The following CAPN2 variants were observed in gnomAD, a reference collection of about 807,000 sequenced individuals.
The protein encoded by CAPN2 is calpain 2, also known as calpain-2 catalytic subunit.
Under a neutral mutation model 102.3 loss-of-function variants are expected in CAPN2, and 92 were observed. That is an observed-to-expected ratio of 0.90 (90% CI 0.76 to 1.07). CAPN2 has a LOEUF of 1.07. Ranked by LOEUF, CAPN2 falls within the 50% of genes least tolerant of loss-of-function variation. CAPN2 has a pLI of 0.00. For missense variants in CAPN2, 800 were observed against 909.4 expected (o/e 0.88, Z 1.55); for synonymous variants, 340 against 355.4 (o/e 0.96, Z 0.49).
intron 2 of CAPN2, among the ~76,000 whole-genome samples, chr1:223,733,218 C>A (rs543921379): frequency 4.0e-4 from 61 of 152,242 alleles, no homozygotes; most frequent in African/African-American, 1.4e-3. Flanking sequence ...CCTCCCCTGG[C>A]TCCCCAACTC....
Position 223,756,123 on chromosome 1 carries a change from C to G in CAPN2, c.1305+474C>G, listed in dbSNP as rs546713797. 6.6e-6 allele frequency among the ~76,000 whole-genome samples: 1 copy of G among 152,324 alleles called. No individual in the cohort carries two copies. Among genetic ancestry groups the G allele is most frequent in the South Asian group, 2.1e-4 (1 of 4,828 alleles). ...TGGTCATGATGCTCCCCCCAGGGCT[C>G]TGATGGCTGGAGCCCAGATCCCTAC... On this transcript the variant is annotated intron_variant, in intron 10 of 20. Transcript: ENST00000295006. This position sits in a 1 kb window ranked among gnomAD's most constrained non-coding sequence, Gnocchi z 4.1.
intron 6 of CAPN2, among the ~76,000 whole-genome samples, chr1:223,750,122 C>A (rs1660849884): frequency 6.6e-6 from 1 of 152,184 alleles, no homozygotes; most frequent in Non-Finnish European, 1.5e-5. Flanking sequence ...TTTTTAACTA[C>A]CCCCTCACAC....
At chr1:223,738,290 C>T (rs889511605) in intron 2 of CAPN2, among the ~76,000 whole-genome samples, 2 of 151,916 alleles carry the variant, frequency 1.3e-5, no homozygotes, top group East Asian at 1.9e-4. Context: ...TCCCAAGTTG[C>T]TGGGACGATA....
intron 2 of CAPN2, among the ~76,000 whole-genome samples, chr1:223,720,631 A>G (rs1281782976): frequency 6.6e-6 from 1 of 152,090 alleles, no homozygotes; most frequent in African/African-American, 2.4e-5. Flanking sequence ...TCATTCTTTT[A>G]TTACACACAG....
chr1:223,748,974 G>A, intron 5 of CAPN2, 65 bp from the exon 6 acceptor site: 1 of 1,445,918 alleles, frequency 6.9e-7, no homozygotes, highest in Non-Finnish European at 9.7e-7. Flanking sequence ...AGGACAGAGG[G>A]AGCGAGGGAG....
chr1:223,762,041 G>A (rs1661200089), intron 13 of CAPN2, 145 bp from the exon 14 acceptor site: 1 of 616,684 alleles, frequency 1.6e-6, no homozygotes, highest in African/African-American at 1.8e-5. Context: ...CACTATACCT[G>A]ATCTTAACCC....
At position 223,759,061 on chromosome 1, in the gene CAPN2, T is replaced by G; in HGVS notation, c.1318-209T>G. On this transcript the variant is annotated intron_variant, in intron 11 of 20. Transcript: ENST00000295006. This position sits in a 1 kb window ranked among gnomAD's most constrained non-coding sequence, Gnocchi z 4.6. Reference sequence around the variant, plus strand: ...TGCTATTTTTTTAAAAAAATTTTGTTGTTTTGTTGTTGTTGTCGTCGTTAT... The same window carrying G: ...TGCTATTTTTTTAAAAAAATTTTGTGGTTTTGTTGTTGTTGTCGTCGTTAT... The G allele has an allele frequency of 1.7e-6, 1 of 591,290 alleles. No individual in the cohort carries two copies. Among genetic ancestry groups the G allele is most frequent in the South Asian group, 2.0e-5 (1 of 49,194 alleles). The allele number at this position is 591,290 out of a possible 1,614,324, so 36.6% of individuals were successfully genotyped here. A position where few individuals can be genotyped will look rare whatever the true frequency, so the allele number is the denominator to read the frequency against.
chr1:223,724,238 A>T (rs1315319948), intron 2 of CAPN2, among the ~76,000 whole-genome samples: 1 of 152,184 alleles, frequency 6.6e-6, no homozygotes, highest in Admixed American at 6.5e-5. Context: ...CCCCAAGAAG[A>T]CCAGCCAAGG....
chr1:223,703,770 C>T (rs555963196), intron 1 of CAPN2, among the ~76,000 whole-genome samples: 132 of 152,294 alleles, frequency 8.7e-4, no homozygotes, highest in African/African-American at 2.9e-3. Context: ...GCATTTGCTT[C>T]CCAGAGGACT....
In CAPN2 at chr1:223,749,524, A is replaced by C. The variant is rs1660834309; in HGVS notation, c.813+402A>C. 1.4e-5 allele frequency: 3 copies of C among 207,104 alleles called. No individual in the cohort carries two copies. The South Asian group carries it at 3.1e-4, about 22-fold the overall frequency. The allele number at this position is 207,104 out of a possible 1,614,324, so 12.8% of individuals were successfully genotyped here. A position where few individuals can be genotyped will look rare whatever the true frequency, so the allele number is the denominator to read the frequency against. ...CCATGTTCAAATCTGACTGCCTCTT[A>C]CCAGCTGTGTGGCCTGGGCCAATTA... On this transcript the variant is annotated intron_variant, in intron 6 of 20. Transcript: ENST00000295006.
intron 7 of CAPN2, among the ~76,000 whole-genome samples, chr1:223,751,564 G>A (rs1399053015): frequency 6.6e-6 from 1 of 150,970 alleles, no homozygotes; most frequent in Non-Finnish European, 1.5e-5. Flanking sequence ...CTGTGTACAG[G>A]GCCAGGTCCT....
At chr1:223,742,516 ATATTTTTT>A (rs1280865427) in intron 2 of CAPN2, among the ~76,000 whole-genome samples, 2,136 of 113,782 alleles carry the variant, frequency 0.019, 11 homozygotes, top group African/African-American at 0.03. Flanking sequence ...ATATATATAT[ATATTTTTT>A]TTTTTTTTTT....
At position 223,747,111 on chromosome 1, in the gene CAPN2, C is replaced by G. The variant is rs751897611; in HGVS notation, c.675C>G (p.Phe225Leu). The change falls in exon 5 of 21, where the codon TTC (phenylalanine) becomes TTG (leucine). Residue 225 changes from phenylalanine (F) to leucine (L), a missense_variant. Coordinates refer to ENST00000295006, the MANE Select transcript of CAPN2 (RefSeq NM_001748.5). ...TGAAGAAGCCCCCTCCCAACCTGTT[C>G]AAGATCATCCAGAAAGCTCTGCAAA... ...YELKKPPPNL[F>L]KIIQKALQKG... 23 of 1,614,012 alleles carry G rather than the reference C, an allele frequency of 1.4e-5. No individual in the cohort carries two copies. The highest frequency in any genetic ancestry group is 1.0e-4 in the Admixed American group (6 of 60,016).
Position 223,753,114 on chromosome 1 carries a change from T to TCTCAATGAGC in CAPN2, c.1135+160_1135+161insCAATGAGCCT, listed in dbSNP as rs1169914269. Among the ~76,000 whole-genome samples the TCTCAATGAGC allele has an allele frequency of 5.7e-3, 870 of 151,688 alleles. 14 individuals carry two copies. Among genetic ancestry groups the TCTCAATGAGC allele is most frequent in the African/African-American group, 0.02 (825 of 41,002 alleles). ...CTGTCTTCTTTCTCCCTGAGCCTTT[T>TCTCAATGAGC]CTTTTCCCTGAGCCTTTTCTCCCCG... On this transcript the variant is annotated intron_variant, in intron 9 of 20. Coordinates refer to ENST00000295006, the MANE Select transcript of CAPN2 (RefSeq NM_001748.5).
chr1:223,737,725 G>A (rs1240775295), intron 2 of CAPN2, among the ~76,000 whole-genome samples: 6 of 113,402 alleles, frequency 5.3e-5, no homozygotes, highest in Admixed American at 2.0e-4. Flanking sequence ...GGGGGGGAGA[G>A]AATACAATAA....
At chr1:223,772,546 T>G in intron 20 of CAPN2, 2 of 348,140 alleles carry the variant, frequency 5.7e-6, no homozygotes, top group South Asian at 8.8e-5. Context: ...AACTCCTGAT[T>G]AGCATGCAAG....
chr1:223,702,105 A>AAGGAAG (rs1553343526), intron 1 of CAPN2, among the ~76,000 whole-genome samples: 3,313 of 83,614 alleles, frequency 0.04, 87 homozygotes, highest in Non-Finnish European at 0.056. Flanking sequence ...AAAGAAGGAA[A>AAGGAAG]GAAGGAAGGA....
intron 2 of CAPN2, among the ~76,000 whole-genome samples, chr1:223,720,263 G>T (rs1660015993): frequency 6.6e-6 from 1 of 150,486 alleles, no homozygotes; most frequent in South Asian, 2.1e-4. Context: ...CTCATTCCTT[G>T]TGCTAGAGGG....
chr1:223,713,733 C>T (rs1332794116), intron 1 of CAPN2, among the ~76,000 whole-genome samples: 1 of 152,228 alleles, frequency 6.6e-6, no homozygotes, highest in Non-Finnish European at 1.5e-5. Context: ...TCCAGCTCTG[C>T]TTCCACACCC....
Sources: gnomAD v4.1 joint callset for allele counts (sites outside exome capture counted in the v4.1 genomes callset) on GRCh38, gnomAD v4.1.1 for gene constraint, Gnocchi (gnomAD v3.1) non-coding constraint, MANE v1.5 for transcripts, NCBI Gene and HGNC (gene_info 2026-07-23, HGNC 2026-07-21) for gene names.